Variants in KCNJ16 observed in about 807,000 individuals in gnomAD.
KCNJ16 encodes the protein inward rectifier potassium channel 16.
Under a neutral mutation model 18.5 loss-of-function variants are expected in KCNJ16, and 15 were observed. The observed-to-expected ratio is 0.81, with a 90% CI of 0.54 to 1.25. The LOEUF (loss-of-function observed/expected upper bound fraction) is 1.25. Ranked by LOEUF, KCNJ16 falls within the 50% of genes most tolerant of loss-of-function variation. KCNJ16 has a pLI of 0.00. For synonymous variants in KCNJ16, 174 were observed against 186.5 expected (o/e 0.93, Z 0.55); for missense variants, 523 against 525.7 (o/e 0.99, Z 0.05).
chr17:70,103,233 ATATT>A (rs1380972339), intron 2 of KCNJ16, among the ~76,000 whole-genome samples: 4 of 142,410 alleles, frequency 2.8e-5, no homozygotes, highest in Admixed American at 2.1e-4. Context: ...TGTGTATTAT[ATATT>A]TATGTGTATA....
In KCNJ16 at chr17:70,120,650, G is replaced by C. The variant is rs533585361; in HGVS notation, c.-190-10229G>C. ...AGCAAAAGAGAGAGAGAAGTGTCTG[G>C]GGGGAAAGAGAGATGCCACACACTT... On this transcript the variant is annotated intron_variant, in intron 2 of 3. Coordinates refer to ENST00000392671, the MANE Select transcript of KCNJ16 (RefSeq NM_170741.4). Among the ~76,000 whole-genome samples the C allele has an allele frequency of 2.0e-5, 3 of 152,184 alleles. No homozygotes were observed. In the East Asian group the frequency reaches 5.8e-4, roughly 29 times the overall value.
At chr17:70,084,977 G>C (rs1405053960) in intron 1 of KCNJ16, among the ~76,000 whole-genome samples, 1 of 151,940 alleles carries the variant, frequency 6.6e-6, no homozygotes, top group African/African-American at 2.4e-5. Flanking sequence ...TTAATCTTCT[G>C]CCTCAGTTTA....
chr17:70,124,444 AG>A (rs2073775980), intron 2 of KCNJ16, among the ~76,000 whole-genome samples: 1 of 152,248 alleles, frequency 6.6e-6, no homozygotes, highest in African/African-American at 2.4e-5. Context: ...CTGAATGAAA[AG>A]AAAACAAGAA....
chr17:70,103,286 A>ATATGTGTGATATGTG lies in KCNJ16; in HGVS notation c.-191+2521_-191+2522insATGTGTGATATGTGT, dbSNP rs1555589100. Among the ~76,000 whole-genome samples, 10 of 103,814 alleles carry ATATGTGTGATATGTG rather than the reference A, an allele frequency of 9.6e-5. No homozygotes were observed. In the East Asian group the frequency reaches 2.9e-3, roughly 30 times the overall value. The allele number at this position is 103,814 out of a possible 152,430, so 68.1% of individuals were successfully genotyped here. On this transcript the variant is annotated intron_variant, in intron 2 of 3. Coordinates refer to ENST00000392671, the MANE Select transcript of KCNJ16 (RefSeq NM_170741.4). ...GTATATGTGTATATAATATGCATAT[A>ATATGTGTGATATGTG]TGTGTGTGTGTATATATATATATAT... is the stretch of plus-strand genomic sequence containing the variant.
At chr17:70,076,719 T>C (rs2071328292) in intron 1 of KCNJ16, among the ~76,000 whole-genome samples, 1 of 152,162 alleles carries the variant, frequency 6.6e-6, no homozygotes, top group African/African-American at 2.4e-5. Flanking sequence ...TCTTCTATTA[T>C]ATAGATTAGT....
intron 2 of KCNJ16, among the ~76,000 whole-genome samples, chr17:70,123,064 T>G (rs910777278): frequency 1.3e-5 from 2 of 152,202 alleles, no homozygotes; most frequent in African/African-American, 4.8e-5. Flanking sequence ...ATGATCTTGT[T>G]CAAATGCAAA....
intron 2 of KCNJ16, among the ~76,000 whole-genome samples, chr17:70,107,436 A>G (rs1039826366): frequency 1.3e-5 from 2 of 152,238 alleles, no homozygotes; most frequent in Admixed American, 1.3e-4. Flanking sequence ...AAACAGAAAC[A>G]TCTATCCTTA....
chr17:70,119,798 G>A (rs2073558780), intron 2 of KCNJ16, among the ~76,000 whole-genome samples: 1 of 152,186 alleles, frequency 6.6e-6, no homozygotes, highest in African/African-American at 2.4e-5. Context: ...ATTCCTTTGA[G>A]GCCTTTTCCC....
chr17:70,121,353 T>A (rs2073630177), intron 2 of KCNJ16, among the ~76,000 whole-genome samples: 1 of 152,196 alleles, frequency 6.6e-6, no homozygotes, highest in East Asian at 1.9e-4. Flanking sequence ...AACAATGGTC[T>A]GGCTGTATTC....
chr17:70,084,423 AAC>A (rs1237469453), intron 1 of KCNJ16, among the ~76,000 whole-genome samples: 2 of 152,200 alleles, frequency 1.3e-5, no homozygotes, highest in African/African-American at 4.8e-5. Context: ...TTGCTTCTTT[AAC>A]ACACATAAAA....
At chr17:70,130,394 G>A (rs557348982) in intron 2 of KCNJ16, among the ~76,000 whole-genome samples, 15 of 152,194 alleles carry the variant, frequency 9.9e-5, no homozygotes, top group Non-Finnish European at 2.1e-4. Context: ...GCTGACAAAC[G>A]AGAGGATGTA....
At chr17:70,104,872 G>A (rs150348809) in intron 2 of KCNJ16, 1 of 152,694 alleles carries the variant, frequency 6.5e-6, no homozygotes, top group Non-Finnish European at 1.5e-5. Context: ...AGTGGCCTTT[G>A]TCTGTGGTGA....
intron 3 of KCNJ16, chr17:70,131,303 T>C: frequency 8.5e-7 from 1 of 1,170,304 alleles, no homozygotes; most frequent in South Asian, 3.0e-5. Flanking sequence ...GGAGTAGTTT[T>C]AGGTCCACTG....
intron 2 of KCNJ16, among the ~76,000 whole-genome samples, chr17:70,102,966 A>C (rs1598126354): frequency 1.3e-5 from 2 of 150,850 alleles, no homozygotes; most frequent in Admixed American, 6.6e-5. Context: ...ACAGGGTCTC[A>C]CTCTGCCGCT....
At position 70,133,661 on chromosome 17, in the gene KCNJ16, G is replaced by T; in HGVS notation, c.*317G>T. On this transcript the variant is annotated 3_prime_UTR_variant, in exon 4 of 4. Coordinates refer to ENST00000392671, the MANE Select transcript of KCNJ16 (RefSeq NM_170741.4). ...CAAAAACGGGGAATGAAGGCAGGAA[G>T]GAGGCTGGAATAAATAAAAATAAAA... 1 of 230,594 alleles carries T rather than the reference G, an allele frequency of 4.3e-6. No homozygotes were observed. Among genetic ancestry groups the T allele is most frequent in the Non-Finnish European group, 9.2e-6 (1 of 108,910 alleles). The allele number at this position is 230,594 out of a possible 1,614,324, so 14.3% of individuals were successfully genotyped here.
Position 70,098,708 on chromosome 17 carries a change from T to C in KCNJ16, c.-299-1950T>C, listed in dbSNP as rs992861786. Among the ~76,000 whole-genome samples the C allele has an allele frequency of 1.0e-3, 155 of 152,178 alleles. 1 individual carries two copies. Among genetic ancestry groups the C allele is most frequent in the Non-Finnish European group, 1.8e-4 (12 of 68,020 alleles). On this transcript the variant is annotated intron_variant, in intron 1 of 3. Coordinates refer to ENST00000392671, the MANE Select transcript of KCNJ16 (RefSeq NM_170741.4). ...TTTTTCTGACTCAAATATTAGAAGC[T>C]AGAAGCTTTTTCTATGACTTTATGT...
At chr17:70,127,180 G>C (rs1020274795) in intron 2 of KCNJ16, among the ~76,000 whole-genome samples, 5 of 152,164 alleles carry the variant, frequency 3.3e-5, no homozygotes, top group African/African-American at 1.2e-4. Context: ...AGCTGAGAGG[G>C]AGAAGAGATC....
At chr17:70,112,672 C>A (rs1230005036) in intron 2 of KCNJ16, among the ~76,000 whole-genome samples, 1 of 152,044 alleles carries the variant, frequency 6.6e-6, no homozygotes, top group Non-Finnish European at 1.5e-5. Flanking sequence ...AATTTTATTA[C>A]CAGAGAAAAT....
chr17:70,130,654 T>G (rs1431661398), intron 2 of KCNJ16, among the ~76,000 whole-genome samples: 1 of 152,164 alleles, frequency 6.6e-6, no homozygotes, highest in Non-Finnish European at 1.5e-5. Flanking sequence ...GAACACATAT[T>G]TAGTGATGAA....
Sources: allele counts gnomAD v4.1 joint callset (sites outside exome capture counted in the v4.1 genomes callset), GRCh38; gene constraint gnomAD v4.1.1; transcripts MANE v1.5; gene names NCBI Gene and HGNC (gene_info 2026-07-23, HGNC 2026-07-21).